Variants in ZEB2 observed in about 807,000 individuals in gnomAD.
ZEB2 encodes the protein zinc finger E-box-binding homeobox 2.
ZEB2 carries 6 observed loss-of-function variants against 99.9 expected under a neutral mutation model. The observed-to-expected ratio is 0.06, with a 90% CI of 0.03 to 0.12. ZEB2 has a LOEUF of 0.12. Among genes scored for constraint, ZEB2 ranks in the 10% least tolerant of loss-of-function variants. The pLI, the probability that ZEB2 is intolerant of heterozygous loss-of-function variation, is 1.00. For synonymous variants in ZEB2, 517 were observed against 542.5 expected (o/e 0.95, Z 0.65); for missense variants, 969 against 1,502.8 (o/e 0.64, Z 5.87).
intron 4 of ZEB2, among the ~76,000 whole-genome samples, chr2:144,419,599 T>C (rs1394747949): frequency 6.6e-6 from 1 of 152,222 alleles, no homozygotes; most frequent in African/African-American, 2.4e-5. Context: ...CAAACTCATG[T>C]GTATAATGCT....
chr2:144,430,371 C>A (rs1290647911), intron 2 of ZEB2, among the ~76,000 whole-genome samples: 1 of 152,060 alleles, frequency 6.6e-6, no homozygotes, highest in Non-Finnish European at 1.5e-5. Context: ...AATAGATCTA[C>A]AATAGACAAT....
intron 2 of ZEB2, among the ~76,000 whole-genome samples, chr2:144,510,611 A>T (rs1705018334): frequency 6.6e-6 from 1 of 152,158 alleles, no homozygotes; most frequent in South Asian, 2.1e-4. Context: ...CATCAGCTAT[A>T]TAAGGCTGGT....
intron 2 of ZEB2, among the ~76,000 whole-genome samples, chr2:144,489,424 A>G (rs1704645361): frequency 6.6e-6 from 1 of 152,200 alleles, no homozygotes; most frequent in South Asian, 2.1e-4. Context: ...ATCATGAATC[A>G]GGCAACTAGT....
intron 2 of ZEB2, among the ~76,000 whole-genome samples, chr2:144,459,704 C>T (rs1204080871): frequency 6.6e-6 from 1 of 152,160 alleles, no homozygotes; most frequent in Non-Finnish European, 1.5e-5. Flanking sequence ...ATCTTTGTCA[C>T]ATCCATATCT....
At chr2:144,459,676 C>T (rs1704165844) in intron 2 of ZEB2, among the ~76,000 whole-genome samples, 1 of 152,066 alleles carries the variant, frequency 6.6e-6, no homozygotes, top group South Asian at 2.1e-4. Context: ...AAGCACTGGT[C>T]GTTATTATTT....
At chr2:144,501,019 C>G (rs1704860247) in intron 2 of ZEB2, among the ~76,000 whole-genome samples, 1 of 138,464 alleles carries the variant, frequency 7.2e-6, no homozygotes, top group South Asian at 2.2e-4. Flanking sequence ...CAGATAAATT[C>G]AAAGATCGTA....
At chr2:144,445,110 T>A (rs1370814721) in intron 2 of ZEB2, 2 of 152,150 alleles carry the variant, frequency 1.3e-5, no homozygotes, top group African/African-American at 4.8e-5. Context: ...TATTTTGCAA[T>A]TAAAACATTT....
At chr2:144,495,937 T>C (rs914821716) in intron 2 of ZEB2, 23 of 152,376 alleles carry the variant, frequency 1.5e-4, no homozygotes. Flanking sequence ...TAAAGATAAA[T>C]GGCTGCATGT....
At chr2:144,427,119 A>T (rs1703700204) in intron 3 of ZEB2, 1 of 152,204 alleles carries the variant, frequency 6.6e-6, no homozygotes, top group Admixed American at 6.5e-5. Flanking sequence ...CACCCCTGGG[A>T]TGAAGATTTG....
At chr2:144,418,544 C>T (rs1214971542) in intron 4 of ZEB2, among the ~76,000 whole-genome samples, 6 of 151,890 alleles carry the variant, frequency 4.0e-5, no homozygotes, top group Non-Finnish European at 7.4e-5. Context: ...AAAAATTAGC[C>T]GGGCGTGGTG....
chr2:144,514,913 G>A (rs1201449514), intron 2 of ZEB2, among the ~76,000 whole-genome samples: 2 of 152,234 alleles, frequency 1.3e-5, no homozygotes, highest in African/African-American at 4.8e-5. Flanking sequence ...AATACTTGCA[G>A]TGTCCATGAC....
chr2:144,465,399 C>A (rs905962708), intron 2 of ZEB2, among the ~76,000 whole-genome samples: 1 of 152,166 alleles, frequency 6.6e-6, no homozygotes, highest in Non-Finnish European at 1.5e-5. Context: ...CAACAATGTT[C>A]TGCAATTCTA....
chr2:144,435,034 T>C (rs1703818585), intron 2 of ZEB2, among the ~76,000 whole-genome samples: 1 of 152,214 alleles, frequency 6.6e-6, no homozygotes. Context: ...TGCAAGGTGA[T>C]GTAACTGGTA....
chr2:144,414,384 G>C (rs1703507750), intron 4 of ZEB2, among the ~76,000 whole-genome samples: 1 of 152,158 alleles, frequency 6.6e-6, no homozygotes. Flanking sequence ...CAACTGCAGA[G>C]CCAACCAAGC....
At chr2:144,465,670 A>G (rs1704261686) in intron 2 of ZEB2, among the ~76,000 whole-genome samples, 1 of 152,182 alleles carries the variant, frequency 6.6e-6, no homozygotes, top group Non-Finnish European at 1.5e-5. Flanking sequence ...TAGCTTAACA[A>G]GCAAGTGTGT....
intron 4 of ZEB2, among the ~76,000 whole-genome samples, chr2:144,418,093 TAC>T (rs1255809998): frequency 6.6e-6 from 1 of 152,212 alleles, no homozygotes; most frequent in African/African-American, 2.4e-5. Flanking sequence ...ATCCTCCTCC[TAC>T]ACAGTTAAAG....
intron 2 of ZEB2, among the ~76,000 whole-genome samples, chr2:144,474,870 A>G (rs1250219233): frequency 6.6e-6 from 1 of 152,216 alleles, no homozygotes; most frequent in Non-Finnish European, 1.5e-5. Flanking sequence ...TATTAACTTG[A>G]TAACATTGGA....
At chr2:144,432,352 T>TG (rs1703784979) in intron 2 of ZEB2, among the ~76,000 whole-genome samples, 1 of 152,200 alleles carries the variant, frequency 6.6e-6, no homozygotes, top group East Asian at 1.9e-4. Flanking sequence ...GTATGCCATC[T>TG]TTTCTAGCGC....
chr2:144,456,153 G>C (rs1457985042), intron 2 of ZEB2, among the ~76,000 whole-genome samples: 2 of 151,660 alleles, frequency 1.3e-5, no homozygotes, highest in South Asian at 4.1e-4. Context: ...TTCCACAGTT[G>C]GAATCAGCTG....
Sources: allele counts gnomAD v4.1 joint callset (sites outside exome capture counted in the v4.1 genomes callset), GRCh38; gene constraint gnomAD v4.1.1; transcripts MANE v1.5; gene names NCBI Gene and HGNC (gene_info 2026-07-23, HGNC 2026-07-21).